The following ANXA9 variants were observed in gnomAD, a reference collection of about 807,000 sequenced individuals.
ANXA9 encodes annexin 31.
ANXA9 carries 47 observed loss-of-function variants against 51.8 expected under a neutral mutation model. The ratio of observed to expected loss-of-function variants is 0.91; its 90% CI spans 0.72 to 1.16. ANXA9 has a LOEUF of 1.16. ANXA9 is among the 50% of genes most tolerant of loss of function. ANXA9 has a pLI of 0.00. For synonymous variants in ANXA9, 154 were observed against 168.7 expected, an observed-to-expected ratio of 0.91 and a Z score of 0.68; for missense variants, 361 against 424.7, an observed-to-expected ratio of 0.85 and a Z score of 1.32.
At chr1:150,985,016 C>A (rs1031348118) in intron 7 of ANXA9, among the ~76,000 whole-genome samples, 2 of 151,916 alleles carry the variant, frequency 1.3e-5, no homozygotes, top group Admixed American at 6.6e-5. Flanking sequence ...TTCAAAAAAA[C>A]CAGCTGGTCA....
chr1:150,981,752 T>G (rs1019112103), upstream of ANXA9, among the ~76,000 whole-genome samples: 3 of 152,222 alleles, frequency 2.0e-5, no homozygotes, highest in Non-Finnish European at 2.9e-5. Flanking sequence ...TCCACAGATA[T>G]ACACAATCCC....
intron 12 of ANXA9, among the ~76,000 whole-genome samples, chr1:150,992,046 C>A (rs909950618): frequency 6.6e-6 from 1 of 152,080 alleles, no homozygotes; most frequent in Non-Finnish European, 1.5e-5. Flanking sequence ...GGATTACAGG[C>A]GTGAGCCACC....
intron 12 of ANXA9, among the ~76,000 whole-genome samples, chr1:150,992,766 C>A (rs1671737545): frequency 6.6e-6 from 1 of 152,134 alleles, no homozygotes; most frequent in Non-Finnish European, 1.5e-5. Flanking sequence ...TGAATTCACG[C>A]CACTGCATTC....
chr1:150,984,463 AC>A lies in ANXA9; in HGVS notation c.381+70del, dbSNP rs1671499582. The A allele has an allele frequency of 5.1e-6, 8 of 1,564,180 alleles. No homozygotes were observed. The Admixed American group carries it at 1.3e-4, about 26-fold the overall frequency. ...AGGCTGTCAGCCTTGCTTTTGCAAGACGAGAGTCCCCCTCTCGTCGTCCCAT... is the reference window on the plus strand; with the variant it reads ...AGGCTGTCAGCCTTGCTTTTGCAAGAGAGAGTCCCCCTCTCGTCGTCCCAT... On this transcript the variant is annotated intron_variant, in intron 6 of 13. Coordinates refer to ENST00000368947, the MANE Select transcript of ANXA9 (RefSeq NM_003568.3).
rs1571687417 is a variant in ANXA9 at position 150,984,130 on chromosome 1, G to T, written c.267+61G>T. 5.1e-6 allele frequency: 8 copies of T among 1,570,072 alleles called. No homozygotes were observed. The Middle Eastern group carries it at 1.4e-3, about 267-fold the overall frequency. On this transcript the variant is annotated intron_variant, in intron 5 of 13. Coordinates refer to ENST00000368947, the MANE Select transcript of ANXA9 (RefSeq NM_003568.3). ...GGGTGAGAAACCCCCTGGAGGACTC[G>T]AGAGACAGCAACAGCCGCTGAGGCC...
At chr1:150,990,654 C>G (rs970392692) in intron 12 of ANXA9, among the ~76,000 whole-genome samples, 1 of 152,182 alleles carries the variant, frequency 6.6e-6, no homozygotes, top group Non-Finnish European at 1.5e-5. Context: ...CAAGACCAGC[C>G]TGGCCAACAT....
At chr1:150,977,998 T>C (rs1226730048), upstream of ANXA9, among the ~76,000 whole-genome samples, 2 of 151,866 alleles carry the variant, frequency 1.3e-5, no homozygotes, top group Non-Finnish European at 2.9e-5. Flanking sequence ...TAGCTAGGCA[T>C]GGTGGCACAT....
intron 9 of ANXA9, 149 bp downstream of exon 9, chr1:150,986,810 CAGG>C: frequency 1.4e-6 from 1 of 730,358 alleles, no homozygotes; most frequent in Non-Finnish European, 2.2e-6. Flanking sequence ...GTGGTAGGGG[CAGG>C]AGGTGTCAGG....
upstream of ANXA9, among the ~76,000 whole-genome samples, chr1:150,981,020 C>G (rs587744495): frequency 3.3e-5 from 5 of 152,204 alleles, no homozygotes; most frequent in East Asian, 9.6e-4. Flanking sequence ...AACCTGTCCT[C>G]GGAGGCCCCA....
Position 150,989,764 on chromosome 1 carries a change from C to T in ANXA9, c.852+1423C>T, listed in dbSNP as rs587649328. Among the ~76,000 whole-genome samples the T allele has an allele frequency of 3.9e-5, 6 of 152,222 alleles. No individual in the cohort carries two copies. In the East Asian group the frequency reaches 1.2e-3, roughly 29 times the overall value. On this transcript the variant is annotated intron_variant, in intron 12 of 13. Transcript: ENST00000368947. ...AGCCATCATGCCATGTTGATGATTG[C>T]CCAAAAGTTAGTAAATATAAGCAAT...
At chr1:150,991,284 T>C in intron 12 of ANXA9, among the ~76,000 whole-genome samples, 1 of 150,202 alleles carries the variant, frequency 6.7e-6, no homozygotes, top group African/African-American at 2.5e-5. Context: ...TCGACCAGGC[T>C]GGAGTGCAGT....
At position 150,986,364 on chromosome 1, in the gene ANXA9, C is replaced by G. The variant is rs1463770564; in HGVS notation, c.501C>G (p.Ile167Met). The change falls in exon 8 of 14, where the codon ATC (isoleucine) becomes ATG (methionine). Residue 167 changes from isoleucine (I) to methionine (M), a missense_variant. By Grantham distance (10) the Ile-to-Met change is conservative (BLOSUM62 1). Coordinates refer to ENST00000368947, the MANE Select transcript of ANXA9 (RefSeq NM_003568.3). ...HNFQVEAVDD[I>M]TSETSGILQD... Reference sequence around the variant, plus strand: ...TCCAGGTGGAGGCTGTGGATGACATCACATCTGAGACCAGTGGCATCTTGC... The same window carrying G: ...TCCAGGTGGAGGCTGTGGATGACATGACATCTGAGACCAGTGGCATCTTGC... The G allele has an allele frequency of 5.0e-6, 8 of 1,614,138 alleles. No homozygotes were observed. The South Asian group carries it at 6.6e-5, about 13-fold the overall frequency.
At chr1:150,994,862 G>A in intron 13 of ANXA9, 163 bp downstream of exon 13, 8 of 961,114 alleles carry the variant, frequency 8.3e-6, no homozygotes, top group South Asian at 4.8e-5. Context: ...GAGAGGCTGA[G>A]GTGGGCGGAT....
intron 12 of ANXA9, among the ~76,000 whole-genome samples, chr1:150,990,758 G>C (rs1272254924): frequency 6.6e-6 from 1 of 152,206 alleles, no homozygotes; most frequent in African/African-American, 2.4e-5. Context: ...TGAAGCAGGA[G>C]AATCTCGAGC....
chr1:150,994,502 C>T lies in ANXA9; in HGVS notation c.853-75C>T, dbSNP rs1167314946. On this transcript the variant is annotated intron_variant, in intron 12 of 13. Coordinates refer to ENST00000368947, the MANE Select transcript of ANXA9 (RefSeq NM_003568.3). ...ACCTTGCCTCCCCTTCCTACAATAACCCTCCAAGCCATTCAACCCCTACTC... is the reference window on the plus strand; with the variant it reads ...ACCTTGCCTCCCCTTCCTACAATAATCCTCCAAGCCATTCAACCCCTACTC... The T allele has an allele frequency of 3.2e-6, 5 of 1,584,318 alleles. No individual in the cohort carries two copies. The East Asian group carries it at 6.8e-5, about 21-fold the overall frequency.
At chr1:150,993,419 C>T (rs1671751836) in intron 12 of ANXA9, among the ~76,000 whole-genome samples, 1 of 151,720 alleles carries the variant, frequency 6.6e-6, no homozygotes, top group African/African-American at 2.4e-5. Flanking sequence ...AGCAATTCTC[C>T]TACCTCACCC....
Position 150,995,451 on chromosome 1 carries a change from T to A in ANXA9, c.*129T>A. On this transcript the variant is annotated 3_prime_UTR_variant, in exon 14 of 14. Coordinates refer to ENST00000368947, the MANE Select transcript of ANXA9 (RefSeq NM_003568.3). ...GAGCACCACATTCTCTAGCTTCTTG[T>A]TGAGGCTGGAACTGTTTCTTTAAAA... The A allele has an allele frequency of 1.2e-6, 1 of 807,188 alleles. No individual in the cohort carries two copies. Among genetic ancestry groups the A allele is most frequent in the Non-Finnish European group, 1.9e-6 (1 of 520,548 alleles). The allele number at this position is 807,188 out of a possible 1,614,324, so 50.0% of individuals were successfully genotyped here.
At chr1:150,977,793 A>C (rs1284424812), upstream of ANXA9, among the ~76,000 whole-genome samples, 1 of 152,218 alleles carries the variant, frequency 6.6e-6, no homozygotes, top group Non-Finnish European at 1.5e-5. Flanking sequence ...AATAGCCAAG[A>C]GGAGTTTCTA....
At position 150,986,322 on chromosome 1, in the gene ANXA9, TCACCCCACCC is replaced by T; in HGVS notation, c.473-11_473-2del. On this transcript the variant is annotated splice_polypyrimidine_tract_variant and splice_region_variant and intron_variant, in intron 7 of 13. Transcript: ENST00000368947. ...AACTCAGGAGGATTCAGAGAGCTCC[TCACCCCACCC>T]CAGATTTCCAGGTGGAGGCTGTGGA... The T allele has an allele frequency of 2.5e-6, 4 of 1,613,520 alleles. No homozygotes were observed. The highest frequency in any genetic ancestry group is 3.4e-6 in the Non-Finnish European group (4 of 1,179,490).
Sources: gnomAD v4.1 joint callset for allele counts (sites outside exome capture counted in the v4.1 genomes callset) on GRCh38, gnomAD v4.1.1 for gene constraint, MANE v1.5 for transcripts, NCBI Gene and HGNC (gene_info 2026-07-23, HGNC 2026-07-21) for gene names.